Variants in RBFOX3 observed in about 807,000 individuals in gnomAD.
RBFOX3 encodes RNA binding fox-1 homolog 3.
A neutral mutation model predicts 48.7 loss-of-function variants in RBFOX3; 17 were observed. The ratio of observed to expected loss-of-function variants is 0.35; its 90% confidence interval spans 0.24 to 0.52. The LOEUF (loss-of-function observed/expected upper bound fraction) is 0.52. Ranked by LOEUF, RBFOX3 falls within the 20% of genes least tolerant of loss-of-function variation. The pLI, the probability that RBFOX3 is intolerant of heterozygous loss-of-function variation, is 0.94. For missense variants in RBFOX3, 382 were observed against 497.5 expected, an observed-to-expected ratio of 0.77 and a Z score of 2.21; for synonymous variants, 212 against 209.5, an observed-to-expected ratio of 1.01 and a Z score of -0.10.
chr17:79,618,674 G>C, the RBFOX3 span, among the ~76,000 whole-genome samples: 2 of 152,184 alleles, frequency 1.3e-5, no homozygotes, highest in East Asian at 3.8e-4. Flanking sequence ...GAGAAGAGAC[G>C]GGGGTGTCCA....
At chr17:79,281,217 T>C (rs1355978659) in intron 3 of RBFOX3, among the ~76,000 whole-genome samples, 3 of 152,230 alleles carry the variant, frequency 2.0e-5, no homozygotes, top group South Asian at 2.1e-4. Context: ...ATTTGGATAA[T>C]GATGGGACTA....
At chr17:79,432,473 T>C (rs1320415800) in intron 2 of RBFOX3, among the ~76,000 whole-genome samples, 1 of 152,212 alleles carries the variant, frequency 6.6e-6, no homozygotes, top group Admixed American at 6.5e-5. Context: ...CATCTGCAAA[T>C]GCCACTGGAA....
intron 3 of RBFOX3, among the ~76,000 whole-genome samples, chr17:79,273,212 C>CA (rs2068058658): frequency 6.6e-6 from 1 of 152,182 alleles, no homozygotes; most frequent in Admixed American, 6.5e-5. Context: ...CAATCTGAGT[C>CA]AACCCTTCCA....
intron 4 of RBFOX3, among the ~76,000 whole-genome samples, chr17:79,124,980 G>A (rs1357526769): frequency 1.3e-5 from 2 of 152,196 alleles, no homozygotes; most frequent in East Asian, 1.9e-4. Context: ...CTTCCTCCAC[G>A]CGCTCCTCCG....
chr17:79,229,115 G>C (rs909718015), intron 4 of RBFOX3, among the ~76,000 whole-genome samples: 1 of 151,400 alleles, frequency 6.6e-6, no homozygotes, highest in African/African-American at 2.4e-5. Flanking sequence ...TGTAATCCCA[G>C]CTACTTGGGA....
rs1009295875 is a variant in RBFOX3, at chr17:79,552,194, A to C, written c.-320+58632T>G. ...TAAATACAGAGAATATGGCATAGTA[A>C]AAGAAAAATTCAAATCTTCAAAATT... On this transcript the variant is annotated intron_variant, in intron 1 of 14. Transcript: ENST00000693108. Among the ~76,000 whole-genome samples the C allele has an allele frequency of 9.8e-3, 1,496 of 152,326 alleles. 27 individuals carry two copies. The highest frequency in any genetic ancestry group is 0.034 in the African/African-American group (1,415 of 41,566).
chr17:79,367,533 G>T (rs1294939877), intron 2 of RBFOX3, among the ~76,000 whole-genome samples: 3 of 152,098 alleles, frequency 2.0e-5, no homozygotes, highest in Non-Finnish European at 4.4e-5. Context: ...AGGAGAGACC[G>T]AGACAAGAGA....
In RBFOX3 at chr17:79,477,745, A is replaced by T. The variant is rs1224046422; in HGVS notation, c.-175+4709T>A. 1.3e-5 allele frequency among the ~76,000 whole-genome samples: 2 copies of T among 152,238 alleles called. No homozygotes were observed. Among genetic ancestry groups the T allele is most frequent in the Non-Finnish European group, 2.9e-5 (2 of 68,044 alleles). On this transcript the variant is annotated intron_variant, in intron 2 of 14. Coordinates refer to ENST00000693108, the MANE Select transcript of RBFOX3 (RefSeq NM_001350451.2). The surrounding 1 kb of genome is among the most constrained non-coding windows in gnomAD (Gnocchi z 4.8). ...TCAGAATGAGGGACTGAAGTGGCTGAGCCTGGCATCCTTCCTAAATATTTT... is the reference window on the plus strand; with the variant it reads ...TCAGAATGAGGGACTGAAGTGGCTGTGCCTGGCATCCTTCCTAAATATTTT...
At chr17:79,467,798 C>G (rs1455566194) in intron 2 of RBFOX3, among the ~76,000 whole-genome samples, 1 of 152,108 alleles carries the variant, frequency 6.6e-6, no homozygotes. Flanking sequence ...TTTCTCTCTG[C>G]TATGGGCCTT....
At chr17:79,367,810 C>T (rs907909) in intron 2 of RBFOX3, among the ~76,000 whole-genome samples, 101,687 of 151,772 alleles carry the variant, frequency 0.67, 35,322 homozygotes, top group Admixed American at 0.77. Flanking sequence ...GGAATCAGAG[C>T]CCGCCTGGCC....
intron 2 of RBFOX3, among the ~76,000 whole-genome samples, chr17:79,341,239 GGT>G (rs1051396836): frequency 2.4e-4 from 36 of 152,306 alleles, no homozygotes; most frequent in African/African-American, 7.0e-4. Context: ...GGGGTACACA[GGT>G]GTGTGTGTAC....
In RBFOX3 at chr17:79,200,730, G is replaced by T. The variant is rs965455260; in HGVS notation, c.-34+35036C>A. Among the ~76,000 whole-genome samples the T allele has an allele frequency of 2.0e-5, 3 of 152,306 alleles. No individual in the cohort carries two copies. The South Asian group carries it at 6.2e-4, about 32-fold the overall frequency. On this transcript the variant is annotated intron_variant, in intron 4 of 14. Transcript: ENST00000693108. ...AATAATAAAAGCAAACGAGAACTTT[G>T]CATGGAGGGTACAGCTTTGCTGGGG...
intron 4 of RBFOX3, among the ~76,000 whole-genome samples, chr17:79,155,952 G>A (rs1599716916): frequency 6.6e-6 from 1 of 152,324 alleles, no homozygotes; most frequent in South Asian, 2.1e-4. Flanking sequence ...TGCCTCCCAG[G>A]TGCGTAGCAG....
intron 4 of RBFOX3, among the ~76,000 whole-genome samples, chr17:79,173,553 CCT>C (rs1290413318): frequency 6.6e-6 from 1 of 152,176 alleles, no homozygotes; most frequent in Non-Finnish European, 1.5e-5. Flanking sequence ...GTTAAATGCC[CCT>C]GATGCCTTTA....
intron 4 of RBFOX3, among the ~76,000 whole-genome samples, chr17:79,170,697 G>A (rs963027413): frequency 1.3e-5 from 2 of 152,068 alleles, no homozygotes; most frequent in Admixed American, 1.3e-4. Flanking sequence ...CCCCTGGTCT[G>A]TAGCTTTCTG....
At chr17:79,295,252 G>A (rs1009092898) in intron 3 of RBFOX3, among the ~76,000 whole-genome samples, 3 of 152,178 alleles carry the variant, frequency 2.0e-5, no homozygotes, top group African/African-American at 7.2e-5. Context: ...CGCTAGAAAT[G>A]CATTTAAAGG....
At chr17:79,091,467 C>T (rs1424228076) in intron 14 of RBFOX3, among the ~76,000 whole-genome samples, 1 of 152,236 alleles carries the variant, frequency 6.6e-6, no homozygotes, top group African/African-American at 2.4e-5. Flanking sequence ...CACGGCTGTG[C>T]TCAAGTGAGG....
At position 79,198,240 on chromosome 17, in the gene RBFOX3, A is replaced by G. The variant is rs11870668; in HGVS notation, c.-34+37526T>C. 5.5e-3 allele frequency among the ~76,000 whole-genome samples: 843 copies of G among 152,170 alleles called. 6 individuals are homozygous for G. The highest frequency in any genetic ancestry group is 0.019 in the African/African-American group (797 of 41,502). The stretch of plus-strand genomic sequence containing the variant: ...CCAGAAGGGGAAATCATGGGTGACA[A>G]CCGCCTCTGGCCAGCCCTCTGCCCT... On this transcript the variant is annotated intron_variant, in intron 4 of 14. Transcript: ENST00000693108. The surrounding 1 kb of genome is among the most constrained non-coding windows in gnomAD (Gnocchi z 8.2).
At chr17:79,489,244 A>C (rs1423168875) in intron 1 of RBFOX3, among the ~76,000 whole-genome samples, 3 of 114,370 alleles carry the variant, frequency 2.6e-5, no homozygotes, top group African/African-American at 8.1e-5. Context: ...GAAAGTTAAA[A>C]AAAAAAAAAA....
Sources: gnomAD v4.1 joint callset for allele counts (sites outside exome capture counted in the v4.1 genomes callset) on GRCh38, gnomAD v4.1.1 for gene constraint, Gnocchi (gnomAD v3.1) non-coding constraint, MANE v1.5 for transcripts, NCBI Gene and HGNC (gene_info 2026-07-23, HGNC 2026-07-21) for gene names.